The following CCDC34 variants were observed in gnomAD, a reference collection of about 807,000 sequenced individuals.
The protein encoded by CCDC34 is coiled-coil domain containing 34.
A neutral mutation model predicts 44.1 loss-of-function variants in CCDC34; 40 were observed. The ratio of observed to expected loss-of-function variants is 0.91; its 90% CI spans 0.70 to 1.18. CCDC34 has a LOEUF of 1.18. CCDC34 is among the 50% of genes most tolerant of loss of function. The pLI is 0.00. For missense variants in CCDC34, 466 were observed against 452.3 expected (o/e 1.03, Z -0.28); for synonymous variants, 159 against 158.2 (o/e 1.01, Z -0.04).
In CCDC34 at chr11:27,340,704, T is replaced by C. The variant is rs1313727357; in HGVS notation, c.899A>G (p.Lys300Arg). The C allele has an allele frequency of 1.9e-6, 3 of 1,606,802 alleles. No homozygotes were observed. Among genetic ancestry groups the C allele is most frequent in the Non-Finnish European group, 2.5e-6 (3 of 1,177,280 alleles). The change falls in exon 5 of 6, where the codon AAA becomes AGA. Residue 300 changes from lysine to arginine, a missense_variant. Coordinates refer to ENST00000328697, the MANE Select transcript of CCDC34 (RefSeq NM_030771.2). ...AAKSYGYANG[K>R]LTGFYSGNSY... Reference sequence around the variant, plus strand: ...ACAACATAAAAACCAACCTGTAAGTTTTCCATTGGCATAACCATAGCTCTT... The same window carrying C: ...ACAACATAAAAACCAACCTGTAAGTCTTCCATTGGCATAACCATAGCTCTT...
At position 27,359,841 on chromosome 11, in the gene CCDC34, C is replaced by A. The variant is rs1862636552; in HGVS notation, c.360-2300G>T. Among the ~76,000 whole-genome samples, 3 of 152,130 alleles carry A rather than the reference C, an allele frequency of 2.0e-5. No homozygotes were observed. In the South Asian group the frequency reaches 6.2e-4, roughly 32 times the overall value. On this transcript the variant is annotated intron_variant, in intron 1 of 5. Transcript: ENST00000328697. ...TCATTTATGACGAACTCCTACTGTC[C>A]CTTCAAAATTCAACTCCAGCACTGC...
In CCDC34 at chr11:27,339,010, T is replaced by C. The variant is rs1216220251; in HGVS notation, c.933A>G (p.Pro311=). ...GAATTGGATTATAAAAGGCTGGTTC[T>C]GGATAGGAATTTCCACTGTAAAAAC... ...LTGFYSGNSY[P]EPAFYNPIPW... Residue 311 remains proline, a synonymous_variant, in exon 6 of 6, where the codon CCA becomes CCG. Transcript: ENST00000328697. 2 of 1,611,230 alleles carry C rather than the reference T, an allele frequency of 1.2e-6. No individual in the cohort carries two copies. Among genetic ancestry groups the C allele is most frequent in the African/African-American group, 2.7e-5 (2 of 74,794 alleles).
intron 2 of CCDC34, among the ~76,000 whole-genome samples, chr11:27,352,379 T>C (rs1337157456): frequency 7.0e-6 from 1 of 141,872 alleles, no homozygotes; most frequent in Non-Finnish European, 1.6e-5. Flanking sequence ...TGAGACTCCA[T>C]CTCAAAAAAA....
intron 3 of CCDC34, 106 bp downstream of exon 3, chr11:27,350,226 A>C (rs1320415828): frequency 1.9e-6 from 3 of 1,590,396 alleles, no homozygotes; most frequent in Non-Finnish European, 2.6e-6. Flanking sequence ...CCAAAGAAGA[A>C]AGACTCTAAG....
intron 3 of CCDC34, chr11:27,350,049 A>G: frequency 7.9e-7 from 1 of 1,261,578 alleles, no homozygotes; most frequent in Non-Finnish European, 1.0e-6. Flanking sequence ...ACTTGGAGGC[A>G]CTTGCCATAA....
At position 27,362,952 on chromosome 11, in the gene CCDC34, G is replaced by T. The variant is rs1234354950; in HGVS notation, c.243C>A (p.Asp81Glu). Residue 81 changes from aspartate to glutamate, a missense_variant, in exon 1 of 6, where the codon GAC (aspartate) becomes GAA (glutamate). By Grantham distance (45) the Asp-to-Glu change is conservative. Coordinates refer to ENST00000328697, the MANE Select transcript of CCDC34 (RefSeq NM_030771.2). Reference protein sequence around the residue: ...GHQSFQFDEDDGDGEDEEDVD... With the variant: ...GHQSFQFDEDEGDGEDEEDVD... ...CGTCTTCCTCATCCTCCCCGTCACC[G>T]TCGTCCTCGTCAAACTGGAAGCTCT... 1 of 1,613,986 alleles carries T rather than the reference G, an allele frequency of 6.2e-7. No individual in the cohort carries two copies. The highest frequency in any genetic ancestry group is 1.1e-5 in the South Asian group (1 of 91,070).
At position 27,357,498 on chromosome 11, in the gene CCDC34, C is replaced by T. The variant is rs780537848; in HGVS notation, c.403G>A (p.Val135Met). 24 of 1,614,008 alleles carry T rather than the reference C, an allele frequency of 1.5e-5. No individual in the cohort carries two copies. Among genetic ancestry groups the T allele is most frequent in the Non-Finnish European group, 1.9e-5 (23 of 1,179,948 alleles). The change falls in exon 2 of 6, where the codon GTG becomes ATG. Residue 135 changes from valine to methionine, a missense_variant. Transcript: ENST00000328697. ...GTCAGGCGGCTTTCTGGTAAGCGCA[C>T]CTGTTTCTGTTCTTCTTGGTTATTT... ...SENNQEEQKQ[V>M]RLPESRLTPW...
chr11:27,349,924 C>G (rs1862480871), intron 3 of CCDC34: 1 of 1,033,030 alleles, frequency 9.7e-7, no homozygotes, highest in African/African-American at 1.7e-5. Flanking sequence ...TTAGGAACAA[C>G]AGAAGAATTC....
intron 2 of CCDC34, among the ~76,000 whole-genome samples, chr11:27,356,863 CGGTGGGGTGG>C (rs1413531649): frequency 1.1e-5 from 1 of 89,834 alleles, no homozygotes; most frequent in African/African-American, 4.7e-5. Context: ...GAGTGACACA[CGGTGGGGTGG>C]GGTGGGGTTG....
At chr11:27,362,362 T>G (rs1862678116) in intron 1 of CCDC34, among the ~76,000 whole-genome samples, 1 of 152,244 alleles carries the variant, frequency 6.6e-6, no homozygotes. Flanking sequence ...TCTCTGTGCT[T>G]CAGCACTTTA....
intron 3 of CCDC34, among the ~76,000 whole-genome samples, chr11:27,342,208 T>A (rs904112835): frequency 1.3e-5 from 2 of 151,514 alleles, no homozygotes; most frequent in African/African-American, 4.8e-5. Context: ...GAATAAATGA[T>A]AGTGAGTAAA....
At chr11:27,340,876 T>C (rs946785099) in intron 4 of CCDC34, 39 bp from the exon 5 acceptor site, 1 of 1,593,794 alleles carries the variant, frequency 6.3e-7, no homozygotes, top group African/African-American at 1.4e-5. Flanking sequence ...AGGGATATTC[T>C]GTAACTATAC....
chr11:27,338,738 A>G lies in CCDC34; in HGVS notation c.*83T>C, dbSNP rs1404475951. The G allele has an allele frequency of 1.9e-6, 2 of 1,061,960 alleles. No homozygotes were observed. The highest frequency in any genetic ancestry group is 2.8e-6 in the Non-Finnish European group (2 of 705,292). The allele number at this position is 1,061,960 out of a possible 1,614,324, so 65.8% of individuals were successfully genotyped here. A position where few individuals can be genotyped will look rare whatever the true frequency, so the allele number is the denominator to read the frequency against. Reference sequence around the variant, plus strand: ...TTGTCAATAATCACATTAAGTGTTGAGTTATTGACTGAGCAGTAAAAAACA... The same window carrying G: ...TTGTCAATAATCACATTAAGTGTTGGGTTATTGACTGAGCAGTAAAAAACA... On this transcript the variant is annotated 3_prime_UTR_variant, in exon 6 of 6. Transcript: ENST00000328697.
chr11:27,343,343 A>G (rs931489452), intron 3 of CCDC34, among the ~76,000 whole-genome samples: 1 of 151,448 alleles, frequency 6.6e-6, no homozygotes, highest in African/African-American at 2.4e-5. Flanking sequence ...CGGAGGTTGC[A>G]GTTAGCCGAG....
At chr11:27,351,118 A>G (rs1302435630) in intron 2 of CCDC34, among the ~76,000 whole-genome samples, 2 of 152,236 alleles carry the variant, frequency 1.3e-5, no homozygotes, top group African/African-American at 4.8e-5. Flanking sequence ...GTCACTCATC[A>G]GTTAAATTAC....
At chr11:27,341,681 C>T (rs1862361189) in intron 3 of CCDC34, 131 bp from the exon 4 acceptor site, 2 of 514,072 alleles carry the variant, frequency 3.9e-6, no homozygotes, top group Admixed American at 7.5e-5. Context: ...TGGCAGTTGG[C>T]ACAACATGGT....
intron 5 of CCDC34, among the ~76,000 whole-genome samples, chr11:27,340,183 C>T (rs1021320808): frequency 1.3e-5 from 2 of 152,152 alleles, no homozygotes; most frequent in African/African-American, 4.8e-5. Context: ...CAGCTGTCAG[C>T]AAGGTATGAG....
intron 3 of CCDC34, among the ~76,000 whole-genome samples, chr11:27,344,020 A>G (rs1303607571): frequency 6.6e-6 from 1 of 152,210 alleles, no homozygotes; most frequent in African/African-American, 2.4e-5. Flanking sequence ...TGTCTGAATA[A>G]TCCTCTACTT....
chr11:27,363,180 C>G lies in CCDC34; in HGVS notation c.15G>C (p.Gly5=), dbSNP rs1833413210. Reference sequence around the variant, plus strand: ...AAGAGGGAAAAGTAGGCCCCCAGCGCCCCGCCGCCCACATCTGGCCCGCCA... The same window carrying G: ...AAGAGGGAAAAGTAGGCCCCCAGCGGCCCGCCGCCCACATCTGGCCCGCCA... MWAA[G]RWGPTFPSSY... The change falls in exon 1 of 6, where the codon GGG becomes GGC. Residue 5 remains glycine, a synonymous_variant. Transcript: ENST00000328697. 5.4e-6 allele frequency: 8 copies of G among 1,485,848 alleles called. No homozygotes were observed. Among genetic ancestry groups the G allele is most frequent in the African/African-American group, 2.8e-5 (2 of 70,816 alleles). The allele number at this position is 1,485,848 out of a possible 1,614,324, so 92.0% of individuals were successfully genotyped here.
Sources: gnomAD v4.1 joint callset for allele counts (sites outside exome capture counted in the v4.1 genomes callset) on GRCh38, gnomAD v4.1.1 for gene constraint, MANE v1.5 for transcripts, NCBI Gene and HGNC (gene_info 2026-07-23, HGNC 2026-07-21) for gene names.